The following KMT2B variants were observed in gnomAD, a reference collection of about 807,000 sequenced individuals.
KMT2B encodes lysine methyltransferase 2B, also known as histone-lysine N-methyltransferase 2B.
Under a neutral mutation model 255.3 loss-of-function variants are expected in KMT2B, and 22 were observed. The ratio of observed to expected loss-of-function variants is 0.09; its 90% CI spans 0.06 to 0.12. The LOEUF (loss-of-function observed/expected upper bound fraction) is 0.12, where lower values mean the gene tolerates loss of function less well. Ranked by LOEUF, KMT2B falls within the 10% of genes least tolerant of loss-of-function variation. KMT2B has a pLI of 1.00. For synonymous variants in KMT2B, 1,730 were observed against 1,498.1 expected (o/e 1.15, Z -3.57); for missense variants, 3,149 against 3,737.0 (o/e 0.84, Z 4.10).
At chr19:35,721,855 T>A in intron 3 of KMT2B, 51 bp downstream of exon 3, 2 of 1,494,588 alleles carry the variant, frequency 1.3e-6, no homozygotes, top group Non-Finnish European at 1.8e-6. Context: ...CAGCCTCCAT[T>A]CTTTGCAACC....
rs1969762009 is a variant in KMT2B at position 35,732,790 on chromosome 19, C to G, written c.6241C>G (p.Gln2081Glu). Residue 2081 changes from glutamine to glutamate, a missense_variant, in exon 28 of 37, where the codon CAG (glutamine) becomes GAG (glutamate). Transcript: ENST00000420124. ...EAEAVQQPRG[Q>E]GTPPSGPGVV... ...TGAGGCGGTGCAGCAGCCTCGGGGC[C>G]AGGGCACGCCTCCTTCGGGGCCAGG... is the stretch of plus-strand genomic sequence containing the variant. The G allele has an allele frequency of 3.7e-6, 6 of 1,607,008 alleles. No individual in the cohort carries two copies. In the East Asian group the frequency reaches 1.3e-4, roughly 36 times the overall value.
chr19:35,732,465 C>G lies in KMT2B; in HGVS notation c.5916C>G (p.Asp1972Glu). Residue 1972 changes from aspartate (D) to glutamate (E), a missense_variant, in exon 28 of 37, where the codon GAC becomes GAG. Physicochemically the swap from Asp to Glu is conservative, Grantham distance 45 (BLOSUM62 2). Coordinates refer to ENST00000420124, the MANE Select transcript of KMT2B (RefSeq NM_014727.3). ...GPAPSPPPPE[D>E]LGPDFEDMEV... ...CCCCATCTCCACCACCCCCTGAAGA[C>G]CTGGGCCCAGACTTCGAGGACATGG... The G allele has an allele frequency of 6.2e-7, 1 of 1,613,884 alleles. No individual in the cohort carries two copies. The highest frequency in any genetic ancestry group is 8.5e-7 in the Non-Finnish European group (1 of 1,179,832).
At chr19:35,728,267 TAGGG>T in intron 19 of KMT2B, 96 bp downstream of exon 19, 1 of 1,119,516 alleles carries the variant, frequency 8.9e-7, no homozygotes, top group Non-Finnish European at 1.3e-6. Flanking sequence ...TGAGCAGAGG[TAGGG>T]TCTGGAGCAG....
At chr19:35,730,957 AG>A (rs1420470572) in intron 26 of KMT2B, 90 bp downstream of exon 26, 2 of 1,390,502 alleles carry the variant, frequency 1.4e-6, no homozygotes, top group African/African-American at 2.9e-5. Flanking sequence ...TGGAAAGTCC[AG>A]GAGGCTTGCT....
In KMT2B at chr19:35,723,689, C is replaced by G. The variant is rs758906894; in HGVS notation, c.3059-43C>G. The stretch of plus-strand genomic sequence containing the variant: ...TGGCTTCTCTCCCAGTGTCCCATGT[C>G]CCTGGCTGAGCTCAAATCCTACTAA... On this transcript the variant is annotated intron_variant, in intron 7 of 36. Coordinates refer to ENST00000420124, the MANE Select transcript of KMT2B (RefSeq NM_014727.3). The surrounding 1 kb of genome is among the most constrained non-coding windows in gnomAD (Gnocchi z 7.5). 6.7e-7 allele frequency: 1 copy of G among 1,497,258 alleles called. No individual in the cohort carries two copies. Among genetic ancestry groups the G allele is most frequent in the South Asian group, 1.3e-5 (1 of 75,330 alleles). 92.7% of individuals were successfully genotyped at this position (1,497,258 alleles called of 1,614,324 possible).
Position 35,733,960 on chromosome 19 carries a change from C to T in KMT2B, c.7159+88C>T, listed in dbSNP as rs1216481239. ...ATGCAAAATCAGCCCTCTTTCAAAA[C>T]CAGTATCTACTCCCAGGGGCCAAGC... On this transcript the variant is annotated intron_variant, in intron 30 of 36. Transcript: ENST00000420124. This position sits in a 1 kb window ranked among gnomAD's most constrained non-coding sequence, Gnocchi z 4.3. 5.5e-6 allele frequency: 5 copies of T among 901,898 alleles called. No homozygotes were observed. Among genetic ancestry groups the T allele is most frequent in the Admixed American group, 2.1e-5 (1 of 46,518 alleles). The allele number at this position is 901,898 out of a possible 1,614,324, so 55.9% of individuals were successfully genotyped here.
chr19:35,720,981 G>A lies in KMT2B; in HGVS notation c.1634G>A (p.Arg545Gln), dbSNP rs202218975. 5 of 1,611,984 alleles carry A rather than the reference G, an allele frequency of 3.1e-6. 1 individual carries two copies. Residue 545 changes from arginine (R) to glutamine (Q), a missense_variant, in exon 3 of 37, where the codon CGA (arginine) becomes CAA (glutamine). Transcript: ENST00000420124. ...TCCCGTGTCATCAAGACACCCCGGC[G>A]ATTTATGGATGAAGACCCCCCCAAA... ...RSSRVIKTPR[R>Q]FMDEDPPKPP...
Position 35,725,117 on chromosome 19 carries a change from G to T in KMT2B, c.3528+30G>T. 1 of 1,592,924 alleles carries T rather than the reference G, an allele frequency of 6.3e-7. No homozygotes were observed. On this transcript the variant is annotated intron_variant, in intron 10 of 36. Transcript: ENST00000420124. This position sits in a 1 kb window ranked among gnomAD's most constrained non-coding sequence, Gnocchi z 4.1. ...GGCATTGAGTGGGGCGAGTCACAGA[G>T]CCTCTGGTTGGAAGAACCTCGATGA...
intron 1 of KMT2B, among the ~76,000 whole-genome samples, chr19:35,719,002 C>T (rs1045201144): frequency 2.0e-5 from 3 of 152,200 alleles, no homozygotes; most frequent in African/African-American, 4.8e-5. Flanking sequence ...TTAATAACAA[C>T]CTGAGAGCTC....
chr19:35,732,440 C>T lies in KMT2B; in HGVS notation c.5891C>T (p.Ala1964Val). The T allele has an allele frequency of 6.2e-7, 1 of 1,613,812 alleles. No individual in the cohort carries two copies. The highest frequency in any genetic ancestry group is 8.5e-7 in the Non-Finnish European group (1 of 1,179,778). The change falls in exon 28 of 37, where the codon GCC (alanine) becomes GTC (valine). Residue 1964 changes from alanine to valine, a missense_variant. Ala to Val is a moderately conservative substitution (Grantham distance 64). Coordinates refer to ENST00000420124, the MANE Select transcript of KMT2B (RefSeq NM_014727.3). The part of the protein sequence containing the change: ...TSGELAPPGP[A>V]PSPPPPEDLG... Reference sequence around the variant, plus strand: ...GGGGAGCTGGCTCCCCCTGGCCCGGCCCCATCTCCACCACCCCCTGAAGAC... The same window carrying T: ...GGGGAGCTGGCTCCCCCTGGCCCGGTCCCATCTCCACCACCCCCTGAAGAC...
At position 35,718,149 on chromosome 19, in the gene KMT2B, G is replaced by A; in HGVS notation, c.131G>A (p.Arg44Gln). 2.8e-6 allele frequency: 3 copies of A among 1,056,122 alleles called. No homozygotes were observed. The highest frequency in any genetic ancestry group is 4.4e-5 in the South Asian group (1 of 22,746). 65.4% of individuals were successfully genotyped at this position (1,056,122 alleles called of 1,614,324 possible). The change falls in exon 1 of 37, where the codon CGG becomes CAG. Residue 44 changes from arginine (R) to glutamine (Q), a missense_variant. This residue lies in a region of KMT2B where 1,188 missense variants were observed against 1,106.4 expected (regional missense o/e 1.07). Coordinates refer to ENST00000420124, the MANE Select transcript of KMT2B (RefSeq NM_014727.3). The surrounding 1 kb of genome is among the most constrained non-coding windows in gnomAD (Gnocchi z 5.0). ...CGGGGCAACGGGGCCGAAAGAGTGCGGGTAGCTCTGCGGCGCGGCGGTGGC... is the reference window on the plus strand; with the variant it reads ...CGGGGCAACGGGGCCGAAAGAGTGCAGGTAGCTCTGCGGCGCGGCGGTGGC... ...GGRGNGAERV[R>Q]VALRRGGGAT...
chr19:35,724,197 TG>T (rs766507983), intron 8 of KMT2B, among the ~76,000 whole-genome samples, 190 bp downstream of exon 8: 2 of 152,024 alleles, frequency 1.3e-5, no homozygotes, highest in Non-Finnish European at 2.9e-5. Context: ...GCCTAATGAG[TG>T]AGACTTAAGG....
Position 35,737,718 on chromosome 19 carries a change from G to A in KMT2B, c.7633G>A (p.Asp2545Asn). The A allele has an allele frequency of 6.3e-7, 1 of 1,583,342 alleles. No homozygotes were observed. The highest frequency in any genetic ancestry group is 8.6e-7 in the Non-Finnish European group (1 of 1,164,472). The change falls in exon 34 of 37, where the codon GAT becomes AAT. Residue 2545 changes from aspartate to asparagine, a missense_variant. Transcript: ENST00000420124. This position sits in a 1 kb window ranked among gnomAD's most constrained non-coding sequence, Gnocchi z 5.3. ...GGGGGCCACCTGTGATGAGGAAGAG[G>A]ATGAGGTGCAGCTCAGGTCAACCAG... ...PEGATCDEEE[D>N]EVQLRSTRRA... is the part of the protein sequence containing the mutation.
chr19:35,721,405 C>A lies in KMT2B; in HGVS notation c.2058C>A (p.Asp686Glu). ...APEPEPPPAD[D>E]SPAEPEPRAV... Reference sequence around the variant, plus strand: ...AGCCAGAGCCTCCTCCTGCCGATGACTCTCCAGCTGAGCCTGAGCCTCGGG... The same window carrying A: ...AGCCAGAGCCTCCTCCTGCCGATGAATCTCCAGCTGAGCCTGAGCCTCGGG... Residue 686 changes from aspartate (D) to glutamate (E), a missense_variant, in exon 3 of 37, where the codon GAC becomes GAA. Transcript: ENST00000420124. 6.2e-7 allele frequency: 1 copy of A among 1,610,704 alleles called. No homozygotes were observed. The highest frequency in any genetic ancestry group is 2.2e-5 in the East Asian group (1 of 44,774).
At position 35,723,316 on chromosome 19, in the gene KMT2B, C is replaced by T; in HGVS notation, c.3002+42C>T. 1 of 1,592,940 alleles carries T rather than the reference C, an allele frequency of 6.3e-7. No homozygotes were observed. Among genetic ancestry groups the T allele is most frequent in the Non-Finnish European group, 8.6e-7 (1 of 1,166,326 alleles). The stretch of plus-strand genomic sequence containing the variant: ...TGACCTCATTCCCGTGGTTGTTGGT[C>T]CCCTAGGCTTCCTACCTCACTCCTC... On this transcript the variant is annotated intron_variant, in intron 6 of 36. Transcript: ENST00000420124. This position sits in a 1 kb window ranked among gnomAD's most constrained non-coding sequence, Gnocchi z 7.5.
chr19:35,718,038 GCGGCAGTTGCCC>G lies in KMT2B; in HGVS notation c.24_35del (p.Ser9_Gly12del). Reference sequence around the variant, plus strand: ...GCCAAGATGGCGGCGGCGGCGGGCGGCGGCAGTTGCCCCGGGCCTGGCTCCGCGCGGGGCCGC... The same window carrying G: ...GCCAAGATGGCGGCGGCGGCGGGCGGCGGGCCTGGCTCCGCGCGGGGCCGC... On this transcript the variant is annotated inframe_deletion, in exon 1 of 37. Coordinates refer to ENST00000420124, the MANE Select transcript of KMT2B (RefSeq NM_014727.3). This position sits in a 1 kb window ranked among gnomAD's most constrained non-coding sequence, Gnocchi z 5.0. 1 of 985,684 alleles carries G rather than the reference GCGGCAGTTGCCC, an allele frequency of 1.0e-6. No individual in the cohort carries two copies. The highest frequency in any genetic ancestry group is 1.2e-6 in the Non-Finnish European group (1 of 831,244). 61.1% of individuals were successfully genotyped at this position (985,684 alleles called of 1,614,324 possible). A position where few individuals can be genotyped will look rare whatever the true frequency, so the allele number is the denominator to read the frequency against.
rs1969498513 is a variant in KMT2B, at chr19:35,727,351, G to A, written c.4117+82G>A. 3.2e-6 allele frequency: 5 copies of A among 1,578,448 alleles called. No individual in the cohort carries two copies. Among genetic ancestry groups the A allele is most frequent in the Non-Finnish European group, 4.4e-6 (5 of 1,148,500 alleles). ...ACCACAGGCCCCAAGAGGACTGGTG[G>A]GCTAAGGGTCCTTGCTGGCCTAGGG... is the stretch of plus-strand genomic sequence containing the variant. On this transcript the variant is annotated intron_variant, in intron 15 of 36. Coordinates refer to ENST00000420124, the MANE Select transcript of KMT2B (RefSeq NM_014727.3). The surrounding 1 kb of genome is among the most constrained non-coding windows in gnomAD (Gnocchi z 4.2).
At position 35,733,505 on chromosome 19, in the gene KMT2B, G is replaced by A. The variant is rs1226855044; in HGVS notation, c.6956G>A (p.Gly2319Asp). 2 of 1,553,600 alleles carry A rather than the reference G, an allele frequency of 1.3e-6. No individual in the cohort carries two copies. Among genetic ancestry groups the A allele is most frequent in the Admixed American group, 3.9e-5 (2 of 51,408 alleles). ...DTPQVPGLGS[G>D]GFSRVRMKTP... ...CCTCAGGTTCCAGGGCTTGGCAGTG[G>A]CGGGTGAGTGCGGGTGCTGAGGCTG... The change falls in exon 28 of 37, where the codon GGC becomes GAC. Residue 2319 changes from glycine to aspartate, a missense_variant. Physicochemically the swap from Gly to Asp is moderately conservative, Grantham distance 94. Transcript: ENST00000420124. This position sits in a 1 kb window ranked among gnomAD's most constrained non-coding sequence, Gnocchi z 4.3.
chr19:35,732,594 C>G lies in KMT2B; in HGVS notation c.6045C>G (p.Ser2015Arg). The G allele has an allele frequency of 6.2e-7, 1 of 1,613,162 alleles. No individual in the cohort carries two copies. Among genetic ancestry groups the G allele is most frequent in the Non-Finnish European group, 8.5e-7 (1 of 1,179,666 alleles). ...TTGTAGCCGCTGGGGCCATGGGGAG[C>G]AGCCACGGGGGCCCGGGGGACAGCT... ...EEIVAAGAMG[S>R]SHGGPGDSSE... Residue 2015 changes from serine (S) to arginine (R), a missense_variant, in exon 28 of 37, where the codon AGC becomes AGG. Ser to Arg is a moderately radical substitution (Grantham distance 110). This residue lies in a region of KMT2B where 897 missense variants were observed against 825.3 expected (regional missense o/e 1.09). Transcript: ENST00000420124.
Sources: gnomAD v4.1 joint callset for allele counts (sites outside exome capture counted in the v4.1 genomes callset) on GRCh38, gnomAD v4.1.1 for gene constraint, gnomAD v4.1.1 regional missense constraint, Gnocchi (gnomAD v3.1) non-coding constraint, MANE v1.5 for transcripts, NCBI Gene and HGNC (gene_info 2026-07-23, HGNC 2026-07-21) for gene names.